Variants in PDE3A observed in about 807,000 individuals in gnomAD.
PDE3A encodes the protein cGMP-inhibited 3',5'-cyclic phosphodiesterase 3A.
Under a neutral mutation model 98.3 loss-of-function variants are expected in PDE3A, and 43 were observed. The ratio of observed to expected loss-of-function variants is 0.44; its 90% confidence interval spans 0.34 to 0.56. The LOEUF (loss-of-function observed/expected upper bound fraction) is 0.56, where lower values mean the gene tolerates loss of function less well. PDE3A is among the 20% of genes least tolerant of loss of function. The pLI, the probability that PDE3A is intolerant of heterozygous loss-of-function variation, is 0.01. For missense variants in PDE3A, 1,427 were observed against 1,440.7 expected (o/e 0.99, Z 0.15); for synonymous variants, 663 against 567.9 (o/e 1.17, Z -2.38).
chr12:20,437,782 T>C (rs957818453), intron 1 of PDE3A, among the ~76,000 whole-genome samples: 1 of 152,136 alleles, frequency 6.6e-6, no homozygotes, highest in African/African-American at 2.4e-5. Flanking sequence ...AGGGGTAAGA[T>C]ATCCAAACTT....
intron 1 of PDE3A, among the ~76,000 whole-genome samples, chr12:20,447,259 A>G (rs761909910): frequency 6.6e-6 from 1 of 152,132 alleles, no homozygotes; most frequent in Admixed American, 6.5e-5. Flanking sequence ...GCTAATTGTG[A>G]TATTGTAAAA....
chr12:20,410,726 C>T (rs918941937), intron 1 of PDE3A, among the ~76,000 whole-genome samples: 1 of 152,120 alleles, frequency 6.6e-6, no homozygotes, highest in Non-Finnish European at 1.5e-5. Flanking sequence ...CATTATAAGA[C>T]CTTCCCAATT....
chr12:20,625,744 C>T (rs1944246632), intron 5 of PDE3A, among the ~76,000 whole-genome samples: 1 of 152,162 alleles, frequency 6.6e-6, no homozygotes, highest in Non-Finnish European at 1.5e-5. Context: ...TGTCTTGACA[C>T]ACATTTTCTC....
intron 1 of PDE3A, among the ~76,000 whole-genome samples, chr12:20,458,090 C>A (rs11045259): frequency 6.6e-6 from 1 of 151,654 alleles, no homozygotes; most frequent in African/African-American, 2.4e-5. Flanking sequence ...GAATTTTCAT[C>A]ATTTTGTATA....
At chr12:20,435,627 T>A (rs1944767909) in intron 1 of PDE3A, among the ~76,000 whole-genome samples, 1 of 152,182 alleles carries the variant, frequency 6.6e-6, no homozygotes, top group Non-Finnish European at 1.5e-5. Context: ...TTCCTGGTAG[T>A]AAGGAGGCCA....
At chr12:20,515,942 C>T (rs1946314476) in intron 1 of PDE3A, among the ~76,000 whole-genome samples, 1 of 150,686 alleles carries the variant, frequency 6.6e-6, no homozygotes, top group Admixed American at 6.6e-5. Flanking sequence ...CCGTTTTAGC[C>T]GGGATGGTCT....
chr12:20,409,412 A>G (rs1464748987), intron 1 of PDE3A, among the ~76,000 whole-genome samples: 3 of 152,166 alleles, frequency 2.0e-5, no homozygotes, highest in Non-Finnish European at 4.4e-5. Flanking sequence ...TTATTTAAAG[A>G]TGAACTAAGT....
chr12:20,587,716 C>A (rs565774655), intron 2 of PDE3A, among the ~76,000 whole-genome samples: 1 of 152,122 alleles, frequency 6.6e-6, no homozygotes, highest in Non-Finnish European at 1.5e-5. Context: ...GTTCTTAAGC[C>A]GATGGATTCA....
At chr12:20,418,661 C>T (rs764679292) in intron 1 of PDE3A, among the ~76,000 whole-genome samples, 48 of 152,006 alleles carry the variant, frequency 3.2e-4, no homozygotes, top group Admixed American at 6.5e-4. Context: ...GTATCATGCC[C>T]GTGGCAACTG....
chr12:20,643,180 G>T (rs1944685641), intron 10 of PDE3A, among the ~76,000 whole-genome samples: 2 of 152,170 alleles, frequency 1.3e-5, no homozygotes, highest in Non-Finnish European at 1.5e-5. Context: ...GAGAAGGCTA[G>T]GGGTTTGTCC....
At chr12:20,602,459 A>G (rs1024232300) in intron 2 of PDE3A, among the ~76,000 whole-genome samples, 2 of 152,154 alleles carry the variant, frequency 1.3e-5, no homozygotes, top group African/African-American at 4.8e-5. Flanking sequence ...TTTTTCACCA[A>G]TTTTTGACTT....
intron 1 of PDE3A, among the ~76,000 whole-genome samples, chr12:20,466,817 G>A (rs1591961840): frequency 6.6e-6 from 1 of 152,020 alleles, no homozygotes; most frequent in Non-Finnish European, 1.5e-5. Flanking sequence ...AGCCATCACC[G>A]CCTGTCCCAG....
intron 1 of PDE3A, among the ~76,000 whole-genome samples, chr12:20,459,809 A>G (rs1200111041): frequency 4.6e-5 from 7 of 152,190 alleles, no homozygotes; most frequent in Admixed American, 4.6e-4. Flanking sequence ...AAGCAGTAAG[A>G]TATTGAATGA....
rs781505408 is a variant in PDE3A, at chr12:20,682,192, T to A, written c.*1921T>A. On this transcript the variant is annotated 3_prime_UTR_variant, in exon 16 of 16. Coordinates refer to ENST00000359062, the MANE Select transcript of PDE3A (RefSeq NM_000921.5). ...TGAAAAACTGTTAACCAATACCATATTTTATAGTTGGTGTCCATTTCTTTC... is the reference window on the plus strand; with the variant it reads ...TGAAAAACTGTTAACCAATACCATAATTTATAGTTGGTGTCCATTTCTTTC... 2.0e-5 allele frequency: 3 copies of A among 152,216 alleles called. No individual in the cohort carries two copies. The highest frequency in any genetic ancestry group is 2.0e-4 in the Admixed American group (3 of 15,284). 9.4% of individuals were successfully genotyped at this position (152,216 alleles called of 1,614,324 possible).
intron 1 of PDE3A, among the ~76,000 whole-genome samples, chr12:20,371,673 G>A (rs944959612): frequency 8.6e-5 from 13 of 152,010 alleles, no homozygotes; most frequent in African/African-American, 3.1e-4. Context: ...GTAGTTATTT[G>A]CTTTTTGTTT....
chr12:20,450,013 A>G (rs1005597486), intron 1 of PDE3A: 8 of 681,292 alleles, frequency 1.2e-5, no homozygotes, highest in Admixed American at 6.0e-5. Context: ...AGCTCCATCT[A>G]CCTGGAAGTT....
Position 20,369,231 on chromosome 12 carries a change from G to C in PDE3A, c.-54G>C. On this transcript the variant is annotated 5_prime_UTR_variant, in exon 1 of 16. Transcript: ENST00000359062. ...TGTGTGCGCGCGCGCGCGTGGGTCG[G>C]GGCGGGGGCGTCGGGGGGCCACTGG... 1 of 1,382,872 alleles carries C rather than the reference G, an allele frequency of 7.2e-7. No individual in the cohort carries two copies. Among genetic ancestry groups the C allele is most frequent in the Non-Finnish European group, 9.7e-7 (1 of 1,033,440 alleles). 85.7% of individuals were successfully genotyped at this position (1,382,872 alleles called of 1,614,324 possible).
intron 5 of PDE3A, among the ~76,000 whole-genome samples, chr12:20,622,681 T>A (rs1209155412): frequency 1.3e-5 from 2 of 152,148 alleles, no homozygotes; most frequent in East Asian, 3.9e-4. Context: ...TGCTCAGTAA[T>A]AAGGAGAATC....
chr12:20,466,241 A>G (rs1945338475), intron 1 of PDE3A, among the ~76,000 whole-genome samples: 1 of 152,238 alleles, frequency 6.6e-6, no homozygotes, highest in Admixed American at 6.5e-5. Flanking sequence ...GGATGCTTCT[A>G]CGGAGCACAA....
Sources: gnomAD v4.1 joint callset for allele counts (sites outside exome capture counted in the v4.1 genomes callset) on GRCh38, gnomAD v4.1.1 for gene constraint, MANE v1.5 for transcripts, NCBI Gene and HGNC (gene_info 2026-07-23, HGNC 2026-07-21) for gene names.